Variants in MTARC2 observed in about 807,000 individuals in gnomAD.
The protein encoded by MTARC2 is MOCO sulphurase C-terminal domain containing 2.
In MTARC2, 27 loss-of-function variants were observed where a neutral mutation model predicts 35.6. That is an observed-to-expected ratio of 0.76 (90% CI 0.56 to 1.04). The LOEUF is 1.04. MTARC2 is among the 50% of genes least tolerant of loss of function. MTARC2 has a pLI of 0.00. For synonymous variants in MTARC2, 158 were observed against 167.1 expected, an observed-to-expected ratio of 0.95 and a Z score of 0.42; for missense variants, 412 against 432.5, an observed-to-expected ratio of 0.95 and a Z score of 0.42.
At chr1:220,768,051 T>C (rs1278685587) in intron 4 of MTARC2, among the ~76,000 whole-genome samples, 1 of 152,182 alleles carries the variant, frequency 6.6e-6, no homozygotes, top group Non-Finnish European at 1.5e-5. Flanking sequence ...GATAACAATA[T>C]ACAAAAATAG....
At chr1:220,754,416 G>C (rs1671220522) in intron 1 of MTARC2, 1 of 456,172 alleles carries the variant, frequency 2.2e-6, no homozygotes, top group African/African-American at 2.0e-5. Flanking sequence ...CCTGATGTAG[G>C]ACCCCCGCAT....
At chr1:220,757,625 A>T (rs1271150196) in intron 2 of MTARC2, among the ~76,000 whole-genome samples, 1 of 152,126 alleles carries the variant, frequency 6.6e-6, no homozygotes, top group African/African-American at 2.4e-5. Context: ...ACTTCTCGTT[A>T]TGTCCTCACA....
chr1:220,764,944 A>G (rs1018253581), intron 4 of MTARC2, among the ~76,000 whole-genome samples: 2 of 152,228 alleles, frequency 1.3e-5, no homozygotes, highest in African/African-American at 4.8e-5. Context: ...GCCCAGATAC[A>G]GATGAAAAGA....
At chr1:220,748,894 T>G in intron 1 of MTARC2, 91 bp downstream of exon 1, 1 of 1,373,320 alleles carries the variant, frequency 7.3e-7, no homozygotes, top group Non-Finnish European at 9.4e-7. Flanking sequence ...TGGGAAGGAC[T>G]ATAGAGGTTT....
intron 2 of MTARC2, among the ~76,000 whole-genome samples, chr1:220,761,201 G>A (rs1453793179): frequency 6.6e-6 from 1 of 152,234 alleles, no homozygotes; most frequent in African/African-American, 2.4e-5. Flanking sequence ...GGTCAGAGGA[G>A]TTAAATGATT....
chr1:220,779,788 G>A (rs1672015374), intron 4 of MTARC2, among the ~76,000 whole-genome samples: 1 of 152,164 alleles, frequency 6.6e-6, no homozygotes, highest in Admixed American at 6.6e-5. Flanking sequence ...TAGAAGATCT[G>A]TCATCCCTGC....
At position 220,768,696 on chromosome 1, in the gene MTARC2, A is replaced by G. The variant is rs181364055; in HGVS notation, c.750+5646A>G. Among the ~76,000 whole-genome samples the G allele has an allele frequency of 3.4e-4, 52 of 152,302 alleles. 1 individual carries two copies. The highest frequency in any genetic ancestry group is 3.3e-3 in the Admixed American group (51 of 15,298). ...AGAAGCAGGACAATTGTGCTCAGTA[A>G]AAAATGGAGAAGAAGAACAGGTATC... On this transcript the variant is annotated intron_variant, in intron 4 of 7. Coordinates refer to ENST00000366913, the MANE Select transcript of MTARC2 (RefSeq NM_017898.5).
chr1:220,752,858 T>C (rs901654130), intron 1 of MTARC2, among the ~76,000 whole-genome samples: 3 of 150,526 alleles, frequency 2.0e-5, no homozygotes, highest in African/African-American at 7.3e-5. Flanking sequence ...CCCTCTCTCT[T>C]GATATTAATT....
rs548384572 is a variant in MTARC2 at position 220,774,506 on chromosome 1, C to T, written c.751-5512C>T. Among the ~76,000 whole-genome samples the T allele has an allele frequency of 8.5e-5, 13 of 152,262 alleles. 1 individual carries two copies. The South Asian group carries it at 2.7e-3, about 32-fold the overall frequency. ...TTGTTTCTAACAATTGTGCGTACAA[C>T]ACAATATTATAAACACATGAGTAGA... On this transcript the variant is annotated intron_variant, in intron 4 of 7. Transcript: ENST00000366913.
chr1:220,765,856 A>G (rs1671564917), intron 4 of MTARC2, among the ~76,000 whole-genome samples: 1 of 152,234 alleles, frequency 6.6e-6, no homozygotes, highest in Non-Finnish European at 1.5e-5. Context: ...TGCTGGGATT[A>G]TAGTCATGAG....
In MTARC2 at chr1:220,752,952, C is replaced by T. The variant is rs200099442; in HGVS notation, c.273-1995C>T. Among the ~76,000 whole-genome samples the T allele has an allele frequency of 2.6e-4, 40 of 151,320 alleles. No homozygotes were observed. The East Asian group carries it at 3.1e-3, about 12-fold the overall frequency. Reference sequence around the variant, plus strand: ...ATGGTGGGCTGGGCACGGTGGCTCACGCCTGTAATCCCAACACTTTGGGAG... The same window carrying T: ...ATGGTGGGCTGGGCACGGTGGCTCATGCCTGTAATCCCAACACTTTGGGAG... On this transcript the variant is annotated intron_variant, in intron 1 of 7. Transcript: ENST00000366913.
At position 220,781,836 on chromosome 1, in the gene MTARC2, A is replaced by T; in HGVS notation, c.943A>T (p.Ile315Phe). Residue 315 changes from isoleucine to phenylalanine, a missense_variant, in exon 7 of 8, where the codon ATC (isoleucine) becomes TTC (phenylalanine). Physicochemically the swap from Ile to Phe is conservative, Grantham distance 21 (BLOSUM62 0). Transcript: ENST00000366913. ...ELYKLSPLFG[I>F]YYSVEKIGSL... ...GTACAAGTTGTCTCCACTTTTTGGG[A>T]TCTATTATTCAGTGGAAAAAATTGG... 1 of 1,614,094 alleles carries T rather than the reference A, an allele frequency of 6.2e-7. No individual in the cohort carries two copies. Among genetic ancestry groups the T allele is most frequent in the Non-Finnish European group, 8.5e-7 (1 of 1,179,996 alleles).
rs1247306521 is a variant in MTARC2, at chr1:220,780,168, G to C, written c.813G>C (p.Arg271Ser). ...VEVKKVMACP[R>S]CILTTVDPDT... ...CTAACCCTTGGTTACTGCATAACAG[G>C]TGTATTTTGACAACGGTGGACCCAG... The change falls in exon 6 of 8, where the codon AGG becomes AGC. Residue 271 changes from arginine to serine, a missense_variant and splice_region_variant. By Grantham distance (110) the Arg-to-Ser change is moderately radical. Coordinates refer to ENST00000366913, the MANE Select transcript of MTARC2 (RefSeq NM_017898.5). 1.2e-6 allele frequency: 2 copies of C among 1,612,956 alleles called. No homozygotes were observed. The highest frequency in any genetic ancestry group is 1.7e-6 in the Non-Finnish European group (2 of 1,179,614).
At chr1:220,755,867 G>A (rs1389221037) in intron 2 of MTARC2, among the ~76,000 whole-genome samples, 2 of 152,220 alleles carry the variant, frequency 1.3e-5, no homozygotes, top group Non-Finnish European at 1.5e-5. Flanking sequence ...GTGGTACAAT[G>A]TGCTCATCTT....
chr1:220,782,276 T>C (rs1572323323), intron 7 of MTARC2, among the ~76,000 whole-genome samples: 2 of 152,224 alleles, frequency 1.3e-5, no homozygotes, highest in East Asian at 1.9e-4. Flanking sequence ...CTCAGAGTTA[T>C]GTATTTATTT....
At chr1:220,783,533 A>G (rs1021544637) in intron 7 of MTARC2, among the ~76,000 whole-genome samples, 25 of 152,210 alleles carry the variant, frequency 1.6e-4, no homozygotes, top group African/African-American at 5.1e-4. Context: ...AGGGTTTTCC[A>G]TATCACTCCG....
intron 1 of MTARC2, among the ~76,000 whole-genome samples, chr1:220,753,943 G>A (rs571780066): frequency 1.6e-3 from 236 of 152,190 alleles, no homozygotes; most frequent in Non-Finnish European, 2.8e-3. Flanking sequence ...CCAGCTACCC[G>A]GGAGGCTAAG....
chr1:220,783,996 C>A lies in MTARC2; in HGVS notation c.*109C>A, dbSNP rs574832412. ...ACATCAGCAAATCCTTATTATCCAGCCTTCAACTATCTTTACCCTGGAAAA... is the reference window on the plus strand; with the variant it reads ...ACATCAGCAAATCCTTATTATCCAGACTTCAACTATCTTTACCCTGGAAAA... On this transcript the variant is annotated 3_prime_UTR_variant, in exon 8 of 8. Coordinates refer to ENST00000366913, the MANE Select transcript of MTARC2 (RefSeq NM_017898.5). 1 of 716,976 alleles carries A rather than the reference C, an allele frequency of 1.4e-6. No homozygotes were observed. The highest frequency in any genetic ancestry group is 2.6e-6 in the Non-Finnish European group (1 of 384,832). 44.4% of individuals were successfully genotyped at this position (716,976 alleles called of 1,614,324 possible).
rs568222953 is a variant in MTARC2 at position 220,767,873 on chromosome 1, C to A, written c.750+4823C>A. ...GTGGATTGGGTCCTCCCAGTCCTAT[C>A]CTTTCCAGCTGTTGAGAAACACAGT... On this transcript the variant is annotated intron_variant, in intron 4 of 7. Coordinates refer to ENST00000366913, the MANE Select transcript of MTARC2 (RefSeq NM_017898.5). 2.0e-5 allele frequency among the ~76,000 whole-genome samples: 3 copies of A among 152,322 alleles called. No homozygotes were observed. The South Asian group carries it at 6.2e-4, about 32-fold the overall frequency.
Sources: allele counts gnomAD v4.1 joint callset (sites outside exome capture counted in the v4.1 genomes callset), GRCh38; gene constraint gnomAD v4.1.1; transcripts MANE v1.5; gene names NCBI Gene and HGNC (gene_info 2026-07-23, HGNC 2026-07-21).